Variants in NKAIN3 observed in about 807,000 individuals in gnomAD.
NKAIN3 encodes sodium/potassium-transporting ATPase subunit beta-1-interacting protein 3.
Under a neutral mutation model 30.2 loss-of-function variants are expected in NKAIN3, and 25 were observed. The ratio of observed to expected loss-of-function variants is 0.83; its 90% CI spans 0.60 to 1.16. The LOEUF (loss-of-function observed/expected upper bound fraction) is 1.16, where lower values mean the gene tolerates loss of function less well. Ranked by LOEUF, NKAIN3 falls within the 50% of genes most tolerant of loss-of-function variation. The pLI is 0.00. For missense variants in NKAIN3, 225 were observed against 254.1 expected, an observed-to-expected ratio of 0.89 and a Z score of 0.78; for synonymous variants, 91 against 89.6, an observed-to-expected ratio of 1.02 and a Z score of -0.09.
At chr8:62,922,403 GA>G (rs34998976) in intron 5 of NKAIN3, among the ~76,000 whole-genome samples, 3 of 150,282 alleles carry the variant, frequency 2.0e-5, no homozygotes, top group South Asian at 2.1e-4. Context: ...AATGTGGTAG[GA>G]AAAAAAAAGA....
Position 62,415,584 on chromosome 8 carries a change from G to A in NKAIN3, c.55-163955G>A, listed in dbSNP as rs377498168. Among the ~76,000 whole-genome samples the A allele has an allele frequency of 1.7e-4, 26 of 150,774 alleles. 1 individual carries two copies. In the South Asian group the frequency reaches 3.6e-3, roughly 21 times the overall value. On this transcript the variant is annotated intron_variant, in intron 1 of 6. Transcript: ENST00000623646. ...CAACACCTTCATTTTTTAATTACAG[G>A]TTACATATTACGGATGATTTAAGGT...
intron 1 of NKAIN3, among the ~76,000 whole-genome samples, chr8:62,346,485 T>A (rs1816011207): frequency 6.6e-6 from 1 of 152,158 alleles, no homozygotes; most frequent in African/African-American, 2.4e-5. Context: ...TAGCAAATCC[T>A]ATTTTTTGCA....
At chr8:62,336,190 A>C (rs1036900165) in intron 1 of NKAIN3, among the ~76,000 whole-genome samples, 1 of 152,002 alleles carries the variant, frequency 6.6e-6, no homozygotes, top group African/African-American at 2.4e-5. Context: ...TTACCTTCAT[A>C]TTCAGCATGT....
intron 4 of NKAIN3, among the ~76,000 whole-genome samples, chr8:62,762,062 T>G (rs1207460870): frequency 6.6e-6 from 1 of 152,218 alleles, no homozygotes; most frequent in African/African-American, 2.4e-5. Context: ...ACGCCTGTAA[T>G]CCCAGCACTT....
intron 1 of NKAIN3, among the ~76,000 whole-genome samples, chr8:62,320,143 T>G (rs1203045365): frequency 1.3e-5 from 2 of 152,210 alleles, no homozygotes; most frequent in African/African-American, 2.4e-5. Flanking sequence ...TGTCAGAGAC[T>G]AGGATTGCAA....
At chr8:62,368,403 C>T (rs1328235931) in intron 1 of NKAIN3, among the ~76,000 whole-genome samples, 1 of 152,152 alleles carries the variant, frequency 6.6e-6, no homozygotes, top group Non-Finnish European at 1.5e-5. Context: ...CATGCATTTA[C>T]AGTCAACTGA....
At chr8:62,787,702 C>G (rs1184928941) in intron 4 of NKAIN3, among the ~76,000 whole-genome samples, 1 of 152,118 alleles carries the variant, frequency 6.6e-6, no homozygotes, top group Non-Finnish European at 1.5e-5. Context: ...ACAACAGTCC[C>G]CGGTGTGTGA....
At chr8:62,592,302 G>T (rs1427386793) in intron 3 of NKAIN3, among the ~76,000 whole-genome samples, 1 of 152,020 alleles carries the variant, frequency 6.6e-6, no homozygotes, top group African/African-American at 2.4e-5. Context: ...TTCTTACAAT[G>T]CTGGGCAGGC....
At chr8:62,460,857 C>G (rs1356583097) in intron 1 of NKAIN3, among the ~76,000 whole-genome samples, 2 of 152,198 alleles carry the variant, frequency 1.3e-5, no homozygotes, top group African/African-American at 4.8e-5. Flanking sequence ...AATTTTGTGT[C>G]TGCCTAGATG....
chr8:62,895,928 A>G (rs184468639), intron 4 of NKAIN3, among the ~76,000 whole-genome samples: 29 of 151,990 alleles, frequency 1.9e-4, no homozygotes, highest in Admixed American at 1.4e-3. Context: ...ACTTGTTTCT[A>G]ATCATTAAAA....
At chr8:62,662,228 G>C (rs1410068644) in intron 3 of NKAIN3, among the ~76,000 whole-genome samples, 2 of 152,186 alleles carry the variant, frequency 1.3e-5, no homozygotes, top group African/African-American at 2.4e-5. Context: ...GAGCTGCCTT[G>C]GGTACTCACT....
chr8:62,626,183 A>C (rs1469262492), intron 3 of NKAIN3, among the ~76,000 whole-genome samples: 1 of 152,122 alleles, frequency 6.6e-6, no homozygotes, highest in Admixed American at 6.6e-5. Context: ...TAGGAAGGGT[A>C]TCCACTGATT....
intron 4 of NKAIN3, among the ~76,000 whole-genome samples, chr8:62,877,725 T>C (rs925069066): frequency 6.6e-6 from 1 of 152,140 alleles, no homozygotes; most frequent in Non-Finnish European, 1.5e-5. Context: ...TATGAATTGA[T>C]AGTATCAACA....
intron 1 of NKAIN3, among the ~76,000 whole-genome samples, chr8:62,537,869 A>G (rs531825141): frequency 6.6e-6 from 1 of 152,252 alleles, no homozygotes; most frequent in South Asian, 2.1e-4. Context: ...CTGCTGCTCA[A>G]CACTGGATTT....
At chr8:62,896,250 C>T (rs995199348) in intron 4 of NKAIN3, among the ~76,000 whole-genome samples, 20 of 152,092 alleles carry the variant, frequency 1.3e-4, no homozygotes, top group African/African-American at 4.8e-4. Context: ...AGGCTCTCTC[C>T]TGTCTCTTCT....
chr8:62,676,857 G>C (rs917917682), intron 3 of NKAIN3, among the ~76,000 whole-genome samples: 1 of 151,850 alleles, frequency 6.6e-6, no homozygotes, highest in Non-Finnish European at 1.5e-5. Flanking sequence ...GGCATGACAG[G>C]TGTGCATCAC....
At chr8:62,849,094 G>A (rs1431591849) in intron 4 of NKAIN3, among the ~76,000 whole-genome samples, 1 of 152,098 alleles carries the variant, frequency 6.6e-6, no homozygotes, top group African/African-American at 2.4e-5. Context: ...TTGCATCGAT[G>A]TTCATCCAGG....
intron 1 of NKAIN3, 42 bp from the exon 2 acceptor site, chr8:62,579,497 T>G: frequency 1.3e-6 from 2 of 1,522,286 alleles, no homozygotes; most frequent in Non-Finnish European, 1.8e-6. Context: ...AGTATGATGA[T>G]GCTTGGATTC....
intron 1 of NKAIN3, among the ~76,000 whole-genome samples, chr8:62,310,178 A>G (rs1814382286): frequency 6.6e-6 from 1 of 150,388 alleles, no homozygotes; most frequent in Admixed American, 6.6e-5. Context: ...AACATGCTGA[A>G]ATGGGAGGAA....
Sources: gnomAD v4.1 joint callset for allele counts (sites outside exome capture counted in the v4.1 genomes callset) on GRCh38, gnomAD v4.1.1 for gene constraint, MANE v1.5 for transcripts, NCBI Gene and HGNC (gene_info 2026-07-23, HGNC 2026-07-21) for gene names.